STXBP4: variants seen among roughly 807,000 people sequenced by gnomAD.
STXBP4 encodes syntaxin binding protein 4, also known as syntaxin-binding protein 4.
STXBP4 carries 55 observed loss-of-function variants against 76.1 expected under a neutral mutation model. That is an observed-to-expected ratio of 0.72 (90% CI 0.58 to 0.91). STXBP4 has a LOEUF of 0.91. Among genes scored for constraint, STXBP4 ranks in the 40% least tolerant of loss-of-function variants. The pLI, the probability that STXBP4 is intolerant of heterozygous loss-of-function variation, is 0.00. For synonymous variants in STXBP4, 201 were observed against 220.2 expected (o/e 0.91, Z 0.77); for missense variants, 618 against 636.9 (o/e 0.97, Z 0.32).
At chr17:55,020,645 C>G (rs933748420) in intron 8 of STXBP4, among the ~76,000 whole-genome samples, 2 of 152,084 alleles carry the variant, frequency 1.3e-5, no homozygotes, top group Non-Finnish European at 1.5e-5. Flanking sequence ...TGGTGAAGCA[C>G]TGTCTCTACT....
chr17:55,143,018 G>A (rs1315453698), intron 17 of STXBP4, among the ~76,000 whole-genome samples: 2 of 152,136 alleles, frequency 1.3e-5, no homozygotes, highest in Non-Finnish European at 2.9e-5. Flanking sequence ...ATTCAAATCT[G>A]TGTTGCATTT....
At chr17:55,211,811 T>G in the STXBP4 span, among the ~76,000 whole-genome samples, 71 of 129,768 alleles carry the variant, frequency 5.5e-4, 1 homozygote, top group African/African-American at 2.0e-3. Context: ...TTTTTTTTTT[T>G]TTTTTTTTTT....
chr17:55,009,286 A>T (rs1021638488), intron 8 of STXBP4, among the ~76,000 whole-genome samples: 5 of 152,190 alleles, frequency 3.3e-5, no homozygotes, highest in Non-Finnish European at 7.3e-5. Flanking sequence ...TATTTTCAAA[A>T]ATAGAGTGTT....
At chr17:55,141,237 G>T (rs949083545) in intron 16 of STXBP4, 73 bp from the exon 17 acceptor site, 1 of 1,185,280 alleles carries the variant, frequency 8.4e-7, no homozygotes, top group Admixed American at 1.9e-5. Flanking sequence ...AAAGATGAGG[G>T]AGGTTTGTGT....
At chr17:55,022,363 C>T (rs1379565440) in intron 8 of STXBP4, among the ~76,000 whole-genome samples, 1 of 151,626 alleles carries the variant, frequency 6.6e-6, no homozygotes, top group Non-Finnish European at 1.5e-5. Flanking sequence ...AGGAGGTTGT[C>T]AGAAGAGGTT....
At chr17:55,119,749 A>T (rs889959408) in intron 16 of STXBP4, among the ~76,000 whole-genome samples, 4 of 150,978 alleles carry the variant, frequency 2.6e-5, no homozygotes, top group African/African-American at 7.3e-5. Flanking sequence ...ATAAACTTTA[A>T]CTCAGTTTAT....
At chr17:55,153,199 AT>A (rs1243589488) in intron 17 of STXBP4, among the ~76,000 whole-genome samples, 3 of 152,216 alleles carry the variant, frequency 2.0e-5, no homozygotes, top group Admixed American at 6.5e-5. Flanking sequence ...AGTTAATTCC[AT>A]TTAGTCACAA....
At chr17:55,207,788 A>G in the STXBP4 span, among the ~76,000 whole-genome samples, 2 of 152,190 alleles carry the variant, frequency 1.3e-5, no homozygotes, top group African/African-American at 4.8e-5. Flanking sequence ...ACTCTCATGC[A>G]CGCACGTGCG....
rs577811323 is a variant in STXBP4, at chr17:55,142,887, T to C, written c.1547+1520T>C. ...GCAGATTACATTTAGTGCCACACTC[T>C]TTACTTCCAGAATCAGACCTCTTCT... On this transcript the variant is annotated intron_variant, in intron 17 of 17. Transcript: ENST00000376352. Among the ~76,000 whole-genome samples the C allele has an allele frequency of 3.5e-4, 53 of 152,318 alleles. No homozygotes were observed. The South Asian group carries it at 9.9e-3, about 29-fold the overall frequency.
the STXBP4 span, among the ~76,000 whole-genome samples, chr17:55,212,294 T>C: frequency 9.6e-3 from 1,456 of 152,292 alleles, 27 homozygotes; most frequent in African/African-American, 0.033. Flanking sequence ...CATAGTCTCT[T>C]TCCAGCGTGA....
intron 16 of STXBP4, among the ~76,000 whole-genome samples, chr17:55,110,026 G>A (rs1291015382): frequency 6.6e-6 from 1 of 152,142 alleles, no homozygotes; most frequent in African/African-American, 2.4e-5. Context: ...TAAAACCAAG[G>A]TGTCAGCAAA....
chr17:55,060,894 A>G (rs936811422), intron 12 of STXBP4, among the ~76,000 whole-genome samples: 6 of 152,200 alleles, frequency 3.9e-5, no homozygotes, highest in Admixed American at 1.3e-4. Flanking sequence ...GCATAGTATT[A>G]TGACCTAAGG....
the STXBP4 span, among the ~76,000 whole-genome samples, chr17:55,180,001 G>C: frequency 1.2e-4 from 18 of 152,058 alleles, no homozygotes; most frequent in Non-Finnish European, 2.9e-5. Context: ...CATTTACTAA[G>C]GTGCCCACTT....
chr17:55,097,884 A>G (rs76537233), intron 16 of STXBP4, among the ~76,000 whole-genome samples: 178 of 152,206 alleles, frequency 1.2e-3, no homozygotes, highest in African/African-American at 3.9e-3. Context: ...TTTTTCATCT[A>G]TGAAGATGGA....
intron 16 of STXBP4, among the ~76,000 whole-genome samples, chr17:55,094,398 G>C (rs1271028976): frequency 1.3e-5 from 2 of 152,138 alleles, no homozygotes; most frequent in Non-Finnish European, 2.9e-5. Flanking sequence ...TCTAAGAGTA[G>C]CAAGAGTGAA....
At chr17:54,986,715 A>G (rs1427753204) in intron 3 of STXBP4, among the ~76,000 whole-genome samples, 1 of 152,238 alleles carries the variant, frequency 6.6e-6, no homozygotes, top group Non-Finnish European at 1.5e-5. Flanking sequence ...GATTTTTAAT[A>G]TCTAGAATAT....
intron 10 of STXBP4, among the ~76,000 whole-genome samples, chr17:55,037,209 T>C (rs764746621): frequency 2.6e-5 from 4 of 152,150 alleles, no homozygotes; most frequent in Non-Finnish European, 5.9e-5. Flanking sequence ...TCAGGTGTTG[T>C]GTATTAATCT....
At chr17:55,141,477 A>ATATAT in intron 17 of STXBP4, 110 bp downstream of exon 17, 1 of 832,878 alleles carries the variant, frequency 1.2e-6, no homozygotes. Context: ...GGTTACAAAA[A>ATATAT]TTAGTAACAA....
intron 16 of STXBP4, among the ~76,000 whole-genome samples, chr17:55,099,704 T>A (rs952037383): frequency 9.2e-5 from 14 of 152,178 alleles, no homozygotes; most frequent in African/African-American, 2.9e-4. Context: ...ATTTGTTGAA[T>A]ACAATTTATC....
Sources: gnomAD v4.1 joint callset for allele counts (sites outside exome capture counted in the v4.1 genomes callset) on GRCh38, gnomAD v4.1.1 for gene constraint, MANE v1.5 for transcripts, NCBI Gene and HGNC (gene_info 2026-07-23, HGNC 2026-07-21) for gene names.